Variants in CERS6 observed in about 807,000 individuals in gnomAD.
The protein encoded by CERS6 is LAG1 homolog, ceramide synthase 6.
In CERS6, 26 loss-of-function variants were observed where a neutral mutation model predicts 56.8. The observed-to-expected ratio is 0.46, with a 90% CI of 0.34 to 0.63. The LOEUF is 0.63. CERS6 is among the 30% of genes least tolerant of loss of function. The probability of loss-of-function intolerance (pLI) is 0.01; values close to 1 mark genes in which losing one functional copy is unlikely to be tolerated. For missense variants in CERS6, 415 were observed against 467.5 expected (o/e 0.89, Z 1.04); for synonymous variants, 164 against 173.3 (o/e 0.95, Z 0.42).
At chr2:168,502,998 T>A (rs1694612231) in intron 1 of CERS6, among the ~76,000 whole-genome samples, 1 of 152,160 alleles carries the variant, frequency 6.6e-6, no homozygotes, top group African/African-American at 2.4e-5. Flanking sequence ...TGAATTGTAA[T>A]CCCCATAATC....
Position 168,456,440 on chromosome 2 carries a change from C to G in CERS6, c.-9C>G. ...GCGGGTGCCGCAGGACAGGAGTGGA[C>G]AAAGCAAGATGGCAGGGATCTTAGC... On this transcript the variant is annotated 5_prime_UTR_variant, in exon 1 of 10. Coordinates refer to ENST00000305747, the MANE Select transcript of CERS6 (RefSeq NM_203463.3). This position sits in a 1 kb window ranked among gnomAD's most constrained non-coding sequence, Gnocchi z 4.1. The G allele has an allele frequency of 6.2e-7, 1 of 1,610,958 alleles. No homozygotes were observed. The highest frequency in any genetic ancestry group is 8.5e-7 in the Non-Finnish European group (1 of 1,178,352).
intron 4 of CERS6, among the ~76,000 whole-genome samples, chr2:168,666,073 C>G (rs1011723802): frequency 6.6e-6 from 1 of 151,794 alleles, no homozygotes; most frequent in South Asian, 2.1e-4. Flanking sequence ...CACCCCCTGA[C>G]CCCTGCACTC....
rs138660170 is a variant in CERS6, at chr2:168,745,986, G to A, written c.846-19606G>A. ...AATGAACTGGATATGGTGCATACCC[G>A]CATCTGGTCCTCAGAGAAGAGGCAA... On this transcript the variant is annotated intron_variant, in intron 8 of 9. Coordinates refer to ENST00000305747, the MANE Select transcript of CERS6 (RefSeq NM_203463.3). 4.3e-4 allele frequency among the ~76,000 whole-genome samples: 65 copies of A among 152,292 alleles called. No individual in the cohort carries two copies. The South Asian group carries it at 4.8e-3, about 11-fold the overall frequency.
chr2:168,672,204 A>G (rs1163466335), intron 4 of CERS6, among the ~76,000 whole-genome samples: 3 of 152,238 alleles, frequency 2.0e-5, no homozygotes, highest in African/African-American at 7.2e-5. Context: ...ACCTTGGCCT[A>G]AAGGCTGATG....
chr2:168,485,855 A>AC (rs1694266482), intron 1 of CERS6, among the ~76,000 whole-genome samples: 1 of 152,164 alleles, frequency 6.6e-6, no homozygotes, highest in Non-Finnish European at 1.5e-5. Flanking sequence ...TTGGGTTAAT[A>AC]CCTAGCATGA....
At chr2:168,761,812 C>T (rs536817054) in intron 8 of CERS6, among the ~76,000 whole-genome samples, 6 of 152,122 alleles carry the variant, frequency 3.9e-5, no homozygotes, top group South Asian at 4.2e-4. Flanking sequence ...ACTGCTTCTT[C>T]GGATAATAAA....
intron 8 of CERS6, among the ~76,000 whole-genome samples, chr2:168,736,574 CCTGCCTCAGCCTCCA>C (rs1428978488): frequency 6.6e-6 from 1 of 152,202 alleles, no homozygotes; most frequent in African/African-American, 2.4e-5. Flanking sequence ...CAAGGATCCT[CCTGCCTCAGCCTCCA>C]GTGCCTGGCC....
intron 1 of CERS6, among the ~76,000 whole-genome samples, chr2:168,509,175 C>G (rs1694733312): frequency 6.6e-6 from 1 of 152,150 alleles, no homozygotes. Context: ...GCTGATTTGA[C>G]CAAATACTCC....
At chr2:168,584,637 C>T (rs1448388350) in intron 3 of CERS6, among the ~76,000 whole-genome samples, 2 of 152,202 alleles carry the variant, frequency 1.3e-5, no homozygotes, top group Non-Finnish European at 2.9e-5. Flanking sequence ...TAGTGGGGCA[C>T]CAATTACTTG....
chr2:168,753,900 T>A (rs1243796135), intron 8 of CERS6, among the ~76,000 whole-genome samples: 1 of 152,182 alleles, frequency 6.6e-6, no homozygotes, highest in Non-Finnish European at 1.5e-5. Flanking sequence ...AGTAAAACAC[T>A]ATCTCTTATC....
At chr2:168,558,650 A>G (rs1353960961) in intron 2 of CERS6, among the ~76,000 whole-genome samples, 1 of 152,222 alleles carries the variant, frequency 6.6e-6, no homozygotes, top group Non-Finnish European at 1.5e-5. Context: ...CGGGTGGATC[A>G]CAAGGTCAGG....
intron 8 of CERS6, among the ~76,000 whole-genome samples, chr2:168,743,254 A>T (rs1283401491): frequency 6.6e-6 from 1 of 151,922 alleles, no homozygotes; most frequent in East Asian, 1.9e-4. Context: ...GTATATATAT[A>T]TACACGTATG....
intron 1 of CERS6, among the ~76,000 whole-genome samples, chr2:168,488,155 A>G (rs114760457): frequency 0.023 from 3,423 of 151,502 alleles, 115 homozygotes; most frequent in African/African-American, 0.079. Context: ...TTTTAAAATA[A>G]CTGTTGCATT....
At chr2:168,487,803 C>CATCCAGGAGT (rs1465634065) in intron 1 of CERS6, among the ~76,000 whole-genome samples, 1 of 152,156 alleles carries the variant, frequency 6.6e-6, no homozygotes, top group African/African-American at 2.4e-5. Context: ...ATCATCCTGC[C>CATCCAGGAGT]TTAAACTCCT....
At position 168,739,118 on chromosome 2, in the gene CERS6, A is replaced by C. The variant is rs1683814429; in HGVS notation, c.845+21140A>C. 1.6e-5 allele frequency among the ~76,000 whole-genome samples: 2 copies of C among 122,488 alleles called. 1 individual carries two copies. Among genetic ancestry groups the C allele is most frequent in the Middle Eastern group, 0.012 (2 of 170 alleles). 80.4% of individuals were successfully genotyped at this position (122,488 alleles called of 152,430 possible). On this transcript the variant is annotated intron_variant, in intron 8 of 9. Coordinates refer to ENST00000305747, the MANE Select transcript of CERS6 (RefSeq NM_203463.3). ...GAGACGGGGTTTCACCATGTTTCCC[A>C]GGCTGGTCTCAAATTCCTGAGCTCG...
chr2:168,500,743 C>CT (rs1355913386), intron 1 of CERS6, among the ~76,000 whole-genome samples: 1 of 152,216 alleles, frequency 6.6e-6, no homozygotes, highest in Non-Finnish European at 1.5e-5. Flanking sequence ...TGGGGATTAT[C>CT]TTTGAAGTAA....
intron 8 of CERS6, among the ~76,000 whole-genome samples, chr2:168,725,781 A>C (rs991373280): frequency 6.6e-6 from 1 of 152,210 alleles, no homozygotes; most frequent in African/African-American, 2.4e-5. Flanking sequence ...AAAGTGTTAA[A>C]AGTTTAAATA....
rs61031993 is a variant in CERS6 at position 168,559,733 on chromosome 2, T to TTTTATATATA, written c.277-1459_277-1458insTTTATATATA. Among the ~76,000 whole-genome samples the TTTTATATATA allele has an allele frequency of 1.8e-4, 12 of 66,284 alleles. 1 individual carries two copies. The highest frequency in any genetic ancestry group is 5.4e-4 in the African/African-American group (11 of 20,204). 43.5% of individuals were successfully genotyped at this position (66,284 alleles called of 152,430 possible). ...TGCTTGAGCTGCTTTTAGAAAGGTA[T>TTTTATATATA]CATATATATATATATATATATTTCA... On this transcript the variant is annotated intron_variant, in intron 2 of 9. Coordinates refer to ENST00000305747, the MANE Select transcript of CERS6 (RefSeq NM_203463.3).
At chr2:168,619,404 CAG>C (rs1331808891) in intron 3 of CERS6, among the ~76,000 whole-genome samples, 3 of 151,986 alleles carry the variant, frequency 2.0e-5, no homozygotes, top group Non-Finnish European at 4.4e-5. Flanking sequence ...AGGAAGTCAG[CAG>C]AGTAAATAGA....
Sources: allele counts gnomAD v4.1 joint callset (sites outside exome capture counted in the v4.1 genomes callset), GRCh38; gene constraint gnomAD v4.1.1; non-coding constraint Gnocchi (gnomAD v3.1); transcripts MANE v1.5; gene names NCBI Gene and HGNC (gene_info 2026-07-23, HGNC 2026-07-21).